Variants in WDR36 observed in about 807,000 individuals in gnomAD.
WDR36 encodes the protein WD repeat-containing protein 36.
Under a neutral mutation model 112.7 loss-of-function variants are expected in WDR36, and 63 were observed. That is an observed-to-expected ratio of 0.56 (90% CI 0.46 to 0.69). The LOEUF (loss-of-function observed/expected upper bound fraction) is 0.69, where lower values mean the gene tolerates loss of function less well. WDR36 is among the 30% of genes least tolerant of loss of function. The probability of loss-of-function intolerance (pLI) is 0.00; values close to 1 mark genes in which losing one functional copy is unlikely to be tolerated. For synonymous variants in WDR36, 410 were observed against 362.2 expected (o/e 1.13, Z -1.50); for missense variants, 1,226 against 1,070.3 (o/e 1.15, Z -2.03).
intron 6 of WDR36, among the ~76,000 whole-genome samples, chr5:111,102,951 A>C (rs1019681821): frequency 6.6e-6 from 1 of 151,606 alleles, no homozygotes; most frequent in African/African-American, 2.4e-5. Flanking sequence ...TATCTTTTTC[A>C]GTATCCATTG....
chr5:111,117,734 G>A (rs1202489911), intron 16 of WDR36, among the ~76,000 whole-genome samples: 1 of 152,118 alleles, frequency 6.6e-6, no homozygotes, highest in Non-Finnish European at 1.5e-5. Context: ...TGTTAATCTT[G>A]TTCTTGAAAT....
chr5:111,118,986 CT>C (rs1262412498), intron 16 of WDR36, 26 bp from the exon 17 acceptor site: 2 of 1,570,362 alleles, frequency 1.3e-6, no homozygotes, highest in African/African-American at 2.7e-5. Flanking sequence ...AGTTCAAATA[CT>C]TTTAACATGT....
At position 111,102,342 on chromosome 5, in the gene WDR36, T is replaced by C; in HGVS notation, c.543-3T>C. ...CAGCTTTCAACTATTTTTCTTCTTG[T>C]AGTAAACTTCTATATACATTTCCAG... is the stretch of plus-strand genomic sequence containing the variant. On this transcript the variant is annotated splice_region_variant and splice_polypyrimidine_tract_variant and intron_variant, in intron 5 of 22. Transcript: ENST00000513710. 1 of 1,605,694 alleles carries C rather than the reference T, an allele frequency of 6.2e-7. No individual in the cohort carries two copies. Among genetic ancestry groups the C allele is most frequent in the Non-Finnish European group, 8.5e-7 (1 of 1,176,190 alleles).
At position 111,097,064 on chromosome 5, in the gene WDR36, T is replaced by C; in HGVS notation, c.191-15T>C. 1 of 1,595,856 alleles carries C rather than the reference T, an allele frequency of 6.3e-7. No individual in the cohort carries two copies. Among genetic ancestry groups the C allele is most frequent in the South Asian group, 1.1e-5 (1 of 90,702 alleles). On this transcript the variant is annotated splice_polypyrimidine_tract_variant and intron_variant, in intron 2 of 22. Transcript: ENST00000513710. ...TTAAAAATCCCTGTTTCTTTCATTT[T>C]GTATTTTCTGCTAGGTAATTCTGTT...
chr5:111,098,844 G>C lies in WDR36; in HGVS notation c.409+5G>C, dbSNP rs957423677. 6.5e-7 allele frequency: 1 copy of C among 1,539,298 alleles called. No homozygotes were observed. Among genetic ancestry groups the C allele is most frequent in the South Asian group, 1.1e-5 (1 of 89,526 alleles). On this transcript the variant is annotated splice_donor_5th_base_variant and intron_variant, in intron 4 of 22. Transcript: ENST00000513710. ...TTTGGCACATATATTCAGAAGGTAA[G>C]AGTTAACTCATTTATTTGCTTTATC...
chr5:111,126,735 TAC>T lies in WDR36; in HGVS notation c.2543_2544del (p.His848ProfsTer2). The T allele has an allele frequency of 6.2e-7, 1 of 1,613,594 alleles. No homozygotes were observed. The highest frequency in any genetic ancestry group is 8.5e-7 in the Non-Finnish European group (1 of 1,179,698). On this transcript the variant is annotated frameshift_variant and splice_region_variant, in exon 23 of 23. Transcript: ENST00000513710. LOFTEE classifies it high-confidence loss of function. ...CAATCATCATATTTTTCTTTGCAGTTACACCTTAAAATGCTTCCTTCAGAGCC... is the reference window on the plus strand; with the variant it reads ...CAATCATCATATTTTTCTTTGCAGTTACCTTAAAATGCTTCCTTCAGAGCC...
In WDR36 at chr5:111,120,989, T is replaced by G; in HGVS notation, c.2003-7T>G. 1 of 1,611,188 alleles carries G rather than the reference T, an allele frequency of 6.2e-7. No homozygotes were observed. Among genetic ancestry groups the G allele is most frequent in the Non-Finnish European group, 8.5e-7 (1 of 1,178,286 alleles). On this transcript the variant is annotated splice_region_variant and splice_polypyrimidine_tract_variant and intron_variant, in intron 18 of 22. Transcript: ENST00000513710. ...ATCTTTTGTTTTACCTGAAAAATTT[T>G]TTTAAGATGTAGAAGTATCAGAAGA... is the stretch of plus-strand genomic sequence containing the variant.
Position 111,126,983 on chromosome 5 carries a change from AGC to A in WDR36, c.*101_*102del. 1 of 1,171,192 alleles carries A rather than the reference AGC, an allele frequency of 8.5e-7. No homozygotes were observed. Among genetic ancestry groups the A allele is most frequent in the Non-Finnish European group, 1.2e-6 (1 of 839,530 alleles). 72.5% of individuals were successfully genotyped at this position (1,171,192 alleles called of 1,614,324 possible). On this transcript the variant is annotated 3_prime_UTR_variant, in exon 23 of 23. Coordinates refer to ENST00000513710, the MANE Select transcript of WDR36 (RefSeq NM_139281.3). ...TCAATGTGAAAAGAAAATAAATGCTAGCACTACTGACTAGTCAGTATATCTCC... is the reference window on the plus strand; with the variant it reads ...TCAATGTGAAAAGAAAATAAATGCTAACTACTGACTAGTCAGTATATCTCC...
intron 3 of WDR36, among the ~76,000 whole-genome samples, 191 bp downstream of exon 3, chr5:111,097,370 C>G (rs1400636482): frequency 6.6e-6 from 1 of 152,144 alleles, no homozygotes; most frequent in Non-Finnish European, 1.5e-5. Context: ...TGGTGCTTTA[C>G]TTCAGTTTCT....
chr5:111,099,441 GTTTTTTTTTGTTTTTTTTTTTGTTT>G (rs751564385), intron 4 of WDR36, among the ~76,000 whole-genome samples: 16,570 of 97,648 alleles, frequency 0.17, 982 homozygotes, highest in South Asian at 0.33. Flanking sequence ...TTGCCTCTTG[GTTTTTTTTTGTTTTTTTTTTTGTTT>G]TTTTTTTTTT....
chr5:111,114,369 G>T (rs1268668913), intron 16 of WDR36, among the ~76,000 whole-genome samples: 1 of 152,140 alleles, frequency 6.6e-6, no homozygotes, highest in Non-Finnish European at 1.5e-5. Context: ...ATTAAGCTCT[G>T]TTCACTTCCT....
intron 19 of WDR36, among the ~76,000 whole-genome samples, chr5:111,122,128 G>A (rs1753579770): frequency 1.3e-5 from 2 of 152,180 alleles, no homozygotes; most frequent in South Asian, 4.1e-4. Context: ...ATAAAGGTGT[G>A]CTGTCTAGGA....
Position 111,111,173 on chromosome 5 carries a change from C to T in WDR36, c.1611C>T (p.Gly537=). The change falls in exon 15 of 23, where the codon GGC becomes GGT. Residue 537 remains glycine, a synonymous_variant. Transcript: ENST00000513710. ...PNIMLLHRDS[G]ILGLALDDFS... is the part of the protein sequence containing the mutation. ...ACTGGTGCATTTATCTTGCTAGTGGCATTCTGGGACTCGCCTTGGATGACT... is the reference window on the plus strand; with the variant it reads ...ACTGGTGCATTTATCTTGCTAGTGGTATTCTGGGACTCGCCTTGGATGACT... 1 of 1,611,610 alleles carries T rather than the reference C, an allele frequency of 6.2e-7. No homozygotes were observed. Among genetic ancestry groups the T allele is most frequent in the Non-Finnish European group, 8.5e-7 (1 of 1,178,072 alleles).
At chr5:111,104,546 T>TC (rs1405949833) in intron 8 of WDR36, 151 bp from the exon 9 acceptor site, 1 of 1,376,484 alleles carries the variant, frequency 7.3e-7, no homozygotes, top group Non-Finnish European at 1.0e-6. Flanking sequence ...AGTTTATTTC[T>TC]CCCCCAATAC....
At chr5:111,101,031 G>A (rs957107632) in intron 5 of WDR36, among the ~76,000 whole-genome samples, 1 of 151,946 alleles carries the variant, frequency 6.6e-6, no homozygotes, top group Admixed American at 6.6e-5. Flanking sequence ...TAAAGTATAT[G>A]CATAAATGTG....
chr5:111,092,660 C>G, intron 1 of WDR36, 42 bp downstream of exon 1: 1 of 1,586,194 alleles, frequency 6.3e-7, no homozygotes, highest in Non-Finnish European at 8.6e-7. Flanking sequence ...AAACCACCCT[C>G]CTTGGCCTCT....
intron 17 of WDR36, 107 bp from the exon 18 acceptor site, chr5:111,120,389 A>AT: frequency 1.1e-6 from 1 of 881,836 alleles, no homozygotes; most frequent in Non-Finnish European, 1.8e-6. Flanking sequence ...TCTTTGAGGT[A>AT]TTTTTTAACT....
At chr5:111,110,347 C>T (rs1227681456) in intron 13 of WDR36, 44 bp downstream of exon 13, 4 of 1,445,646 alleles carry the variant, frequency 2.8e-6, no homozygotes, top group African/African-American at 2.8e-5. Context: ...TAGATAGATA[C>T]AAAACTAGTA....
chr5:111,124,396 G>A (rs891434605), intron 21 of WDR36, among the ~76,000 whole-genome samples: 1 of 152,002 alleles, frequency 6.6e-6, no homozygotes, highest in African/African-American at 2.4e-5. Flanking sequence ...ATAAAAATCT[G>A]TTGAAGATTT....
Sources: gnomAD v4.1 joint callset for allele counts (sites outside exome capture counted in the v4.1 genomes callset) on GRCh38, gnomAD v4.1.1 for gene constraint, MANE v1.5 for transcripts, NCBI Gene and HGNC (gene_info 2026-07-23, HGNC 2026-07-21) for gene names.